The following TMEM132D variants were observed in gnomAD, a reference collection of about 807,000 sequenced individuals.
TMEM132D encodes transmembrane protein 132D.
In TMEM132D, 21 loss-of-function variants were observed where a neutral mutation model predicts 62.3. That is an observed-to-expected ratio of 0.34 (90% confidence interval 0.24 to 0.49). TMEM132D has a LOEUF of 0.49. Ranked by LOEUF, TMEM132D falls within the 20% of genes least tolerant of loss-of-function variation. The probability of loss-of-function intolerance (pLI) is 0.99; values close to 1 mark genes in which losing one functional copy is unlikely to be tolerated. For missense variants in TMEM132D, 1,346 were observed against 1,402.8 expected (o/e 0.96, Z 0.65); for synonymous variants, 621 against 575.6 (o/e 1.08, Z -1.13).
At chr12:129,248,431 A>G (rs1398990341) in intron 4 of TMEM132D, among the ~76,000 whole-genome samples, 1 of 152,226 alleles carries the variant, frequency 6.6e-6, no homozygotes, top group Non-Finnish European at 1.5e-5. Context: ...TCCAATGCAT[A>G]ACATCCTGGT....
At chr12:129,358,318 T>C (rs940181189) in intron 3 of TMEM132D, among the ~76,000 whole-genome samples, 1 of 152,196 alleles carries the variant, frequency 6.6e-6, no homozygotes, top group African/African-American at 2.4e-5. Flanking sequence ...TGTTGTTTGT[T>C]GGTTACTGTT....
chr12:129,552,380 CATTATCT>C (rs1444356652), intron 2 of TMEM132D, among the ~76,000 whole-genome samples: 1 of 152,004 alleles, frequency 6.6e-6, no homozygotes, highest in Non-Finnish European at 1.5e-5. Context: ...TGTTTATATC[CATTATCT>C]ATTATCTACC....
chr12:129,107,318 T>A (rs1319864492), intron 5 of TMEM132D, among the ~76,000 whole-genome samples: 1 of 152,216 alleles, frequency 6.6e-6, no homozygotes, highest in African/African-American at 2.4e-5. Context: ...ACAGATAATG[T>A]CACGTACATA....
rs185715473 is a variant in TMEM132D, at chr12:129,180,895, C to T, written c.1443+28625G>A. On this transcript the variant is annotated intron_variant, in intron 5 of 8. Coordinates refer to ENST00000422113, the MANE Select transcript of TMEM132D (RefSeq NM_133448.3). The stretch of plus-strand genomic sequence containing the variant: ...AGGGGCCAGATGATACTGAGCCTTC[C>T]GGGCTACAGAGAGGAGTCTAGAATG... Among the ~76,000 whole-genome samples the T allele has an allele frequency of 1.4e-3, 218 of 151,664 alleles. 1 individual carries two copies. The highest frequency in any genetic ancestry group is 1.5e-3 in the Non-Finnish European group (101 of 67,908).
At chr12:129,180,490 T>C (rs1878035435) in intron 5 of TMEM132D, among the ~76,000 whole-genome samples, 1 of 152,206 alleles carries the variant, frequency 6.6e-6, no homozygotes. Flanking sequence ...ACCCACTGTA[T>C]ACCCTGCAGG....
At chr12:129,841,976 G>C (rs1209542540) in intron 1 of TMEM132D, among the ~76,000 whole-genome samples, 1 of 150,444 alleles carries the variant, frequency 6.6e-6, no homozygotes, top group Admixed American at 6.6e-5. Context: ...TGTCCCCCAG[G>C]CTGGAGTACA....
intron 3 of TMEM132D, among the ~76,000 whole-genome samples, chr12:129,470,138 A>G (rs1162953467): frequency 6.6e-6 from 1 of 152,190 alleles, no homozygotes; most frequent in Non-Finnish European, 1.5e-5. Flanking sequence ...CTCTCTATAG[A>G]CAGCTCATAA....
At chr12:129,379,188 G>T (rs1215382302) in intron 3 of TMEM132D, among the ~76,000 whole-genome samples, 3 of 152,160 alleles carry the variant, frequency 2.0e-5, no homozygotes, top group Non-Finnish European at 4.4e-5. Flanking sequence ...CGACTCTGCT[G>T]TCAATGATAA....
intron 1 of TMEM132D, among the ~76,000 whole-genome samples, chr12:129,714,628 T>A (rs959211378): frequency 2.6e-5 from 4 of 152,204 alleles, no homozygotes; most frequent in Non-Finnish European, 5.9e-5. Context: ...AATAATCAGC[T>A]TGATTTTGGT....
intron 1 of TMEM132D, among the ~76,000 whole-genome samples, chr12:129,751,677 A>C (rs558919623): frequency 6.6e-6 from 1 of 152,364 alleles, no homozygotes; most frequent in South Asian, 2.1e-4. Context: ...ACTCTGTGAT[A>C]AACTGCAAAG....
chr12:129,534,091 G>A (rs1476839385), intron 2 of TMEM132D, among the ~76,000 whole-genome samples: 1 of 152,194 alleles, frequency 6.6e-6, no homozygotes, highest in Non-Finnish European at 1.5e-5. Flanking sequence ...CACTGGGTCT[G>A]AGCCAAATAC....
intron 5 of TMEM132D, among the ~76,000 whole-genome samples, chr12:129,205,885 T>C (rs990349724): frequency 6.6e-6 from 1 of 152,020 alleles, no homozygotes; most frequent in African/African-American, 2.4e-5. Context: ...ATCATAAAAT[T>C]ACATGGAAGT....
chr12:129,438,765 T>C (rs1040055154), intron 3 of TMEM132D, among the ~76,000 whole-genome samples: 5 of 152,218 alleles, frequency 3.3e-5, no homozygotes, highest in Non-Finnish European at 5.9e-5. Flanking sequence ...GTGTTGTACA[T>C]GGGATAGCTC....
intron 5 of TMEM132D, among the ~76,000 whole-genome samples, chr12:129,102,071 G>A (rs1206407196): frequency 6.6e-6 from 1 of 151,752 alleles, no homozygotes; most frequent in Non-Finnish European, 1.5e-5. Flanking sequence ...AGACACTTGG[G>A]GAGTGAGATG....
chr12:129,373,357 G>A (rs755442083), intron 3 of TMEM132D, among the ~76,000 whole-genome samples: 7 of 152,190 alleles, frequency 4.6e-5, no homozygotes, highest in Non-Finnish European at 8.8e-5. Flanking sequence ...TTTAAGCCAG[G>A]CGCGGTGGCT....
intron 2 of TMEM132D, among the ~76,000 whole-genome samples, chr12:129,589,276 C>T (rs1878124999): frequency 6.6e-6 from 1 of 152,090 alleles, no homozygotes; most frequent in Non-Finnish European, 1.5e-5. Context: ...TTTCAGTTGG[C>T]TCTCATTCTC....
chr12:129,709,277 T>C (rs1359772058), intron 1 of TMEM132D, among the ~76,000 whole-genome samples: 12 of 152,144 alleles, frequency 7.9e-5, no homozygotes, highest in Non-Finnish European at 1.6e-4. Flanking sequence ...TAAGAATCCA[T>C]TGTGAGGAAA....
At chr12:129,649,890 GTGTT>G (rs1241064621) in intron 2 of TMEM132D, among the ~76,000 whole-genome samples, 2 of 149,646 alleles carry the variant, frequency 1.3e-5, no homozygotes, top group African/African-American at 2.5e-5. Flanking sequence ...GTGTATATGT[GTGTT>G]TGTGTGTGTG....
intron 7 of TMEM132D, among the ~76,000 whole-genome samples, chr12:129,080,862 G>A (rs182818234): frequency 6.6e-6 from 1 of 152,274 alleles, no homozygotes; most frequent in Admixed American, 6.5e-5. Flanking sequence ...ACACTGTTTT[G>A]TTAAAGTGTT....
Sources: gnomAD v4.1 joint callset for allele counts (sites outside exome capture counted in the v4.1 genomes callset) on GRCh38, gnomAD v4.1.1 for gene constraint, MANE v1.5 for transcripts, NCBI Gene and HGNC (gene_info 2026-07-23, HGNC 2026-07-21) for gene names.